FAM107B: variants seen among roughly 807,000 people sequenced by gnomAD.
The protein encoded by FAM107B is family with sequence similarity 107 member B, also known as protein FAM107B.
FAM107B carries 21 observed loss-of-function variants against 31.5 expected under a neutral mutation model. The observed-to-expected ratio is 0.67, with a 90% CI of 0.47 to 0.96. The LOEUF (loss-of-function observed/expected upper bound fraction) is 0.96. Ranked by LOEUF, FAM107B falls within the 40% of genes least tolerant of loss-of-function variation. The pLI, the probability that FAM107B is intolerant of heterozygous loss-of-function variation, is 0.00. For synonymous variants in FAM107B, 157 were observed against 141.5 expected (o/e 1.11, Z -0.78); for missense variants, 452 against 377.1 (o/e 1.20, Z -1.64).
intron 2 of FAM107B, among the ~76,000 whole-genome samples, chr10:14,629,416 A>ATAACATATATTATATATT (rs1564606793): frequency 4.1e-4 from 9 of 21,936 alleles, no homozygotes; most frequent in African/African-American, 9.2e-4. Context: ...TTTAATATAT[A>ATAACATATATTATATATT]TAATATATAT....
At chr10:14,668,117 C>T (rs1854453839) in intron 1 of FAM107B, among the ~76,000 whole-genome samples, 1 of 152,128 alleles carries the variant, frequency 6.6e-6, no homozygotes, top group Non-Finnish European at 1.5e-5. Context: ...TCTCGGCTTA[C>T]TGCAACCTCC....
intron 2 of FAM107B, among the ~76,000 whole-genome samples, chr10:14,581,620 G>C (rs1347680314): frequency 1.3e-5 from 2 of 152,348 alleles, no homozygotes; most frequent in Middle Eastern, 3.4e-3. Flanking sequence ...TCAATGCCCA[G>C]CCAGGCGCGG....
rs35540585 is a variant in FAM107B, at chr10:14,595,422, C to CTTTTT, written c.470-64912_470-64908dup. The stretch of plus-strand genomic sequence containing the variant: ...TGGCTCAGCTTCTTCCTAGGGCAAC[C>CTTTTT]TTTTTTTTTTTTTTTTTTTTTGAGA... On this transcript the variant is annotated intron_variant, in intron 2 of 4. Transcript: ENST00000181796. Among the ~76,000 whole-genome samples, 751 of 97,870 alleles carry CTTTTT rather than the reference C, an allele frequency of 7.7e-3. 17 individuals carry two copies. Among genetic ancestry groups the CTTTTT allele is most frequent in the Non-Finnish European group, 0.011 (559 of 51,008 alleles). 64.2% of individuals were successfully genotyped at this position (97,870 alleles called of 152,430 possible).
chr10:14,744,521 T>C (rs1359634498), intron 1 of FAM107B, among the ~76,000 whole-genome samples: 1 of 152,196 alleles, frequency 6.6e-6, no homozygotes, highest in African/African-American at 2.4e-5. Flanking sequence ...GTATGTCCCA[T>C]CAATACCTAG....
intron 1 of FAM107B, among the ~76,000 whole-genome samples, chr10:14,687,946 T>C (rs1855030440): frequency 6.6e-6 from 1 of 152,156 alleles, no homozygotes; most frequent in South Asian, 2.1e-4. Flanking sequence ...GGATGCAAAG[T>C]ATTGATCTTG....
chr10:14,604,356 G>C, intron 2 of FAM107B: 1 of 637,894 alleles, frequency 1.6e-6, no homozygotes, highest in Non-Finnish European at 1.9e-6. Flanking sequence ...GCGGCTCCGG[G>C]GGCGGCGGCC....
intron 2 of FAM107B, among the ~76,000 whole-genome samples, chr10:14,579,951 A>G (rs1189422055): frequency 2.0e-5 from 3 of 151,546 alleles, no homozygotes; most frequent in Non-Finnish European, 4.4e-5. Context: ...GAACCCAGGA[A>G]GCAGAAGTTG....
intron 3 of FAM107B, among the ~76,000 whole-genome samples, chr10:14,528,753 T>C (rs1846610678): frequency 1.3e-5 from 2 of 152,158 alleles, no homozygotes; most frequent in East Asian, 3.9e-4. Context: ...GGAAGCCCTT[T>C]CTCTAAAAAA....
intron 1 of FAM107B, among the ~76,000 whole-genome samples, chr10:14,690,192 G>A (rs1855098097): frequency 1.3e-5 from 2 of 152,178 alleles, no homozygotes; most frequent in South Asian, 4.1e-4. Flanking sequence ...TCAGTCGATG[G>A]AGATCACTAG....
chr10:14,520,356 A>G lies in FAM107B; in HGVS notation c.*834T>C, dbSNP rs1179894524. 6.6e-6 allele frequency: 1 copy of G among 152,196 alleles called. No individual in the cohort carries two copies. The highest frequency in any genetic ancestry group is 2.4e-5 in the African/African-American group (1 of 41,444). 9.4% of individuals were successfully genotyped at this position (152,196 alleles called of 1,614,324 possible). ...CTACTTTTGCTACTGAAGCTGGGTT[A>G]TATGGACTAGTTCCACTCTCTAAGG... On this transcript the variant is annotated 3_prime_UTR_variant, in exon 5 of 5. Coordinates refer to ENST00000181796, the MANE Select transcript of FAM107B (RefSeq NM_031453.4).
At chr10:14,690,063 A>G (rs1855095013) in intron 1 of FAM107B, among the ~76,000 whole-genome samples, 1 of 150,968 alleles carries the variant, frequency 6.6e-6, no homozygotes, top group African/African-American at 2.5e-5. Context: ...GACACCTGTC[A>G]TCTCAGATCC....
chr10:14,522,045 G>C (rs756670200), intron 3 of FAM107B, 26 bp from the exon 4 acceptor site: 28 of 1,590,974 alleles, frequency 1.8e-5, no homozygotes, highest in Non-Finnish European at 2.2e-5. Context: ...AACAAAAATA[G>C]AAAACGTTAA....
chr10:14,612,373 G>A (rs1398700356), intron 2 of FAM107B: 1 of 152,218 alleles, frequency 6.6e-6, no homozygotes, highest in Non-Finnish European at 1.5e-5. Context: ...CATGATGGAA[G>A]GACAGAGTCC....
At chr10:14,707,104 C>G (rs1012855605) in intron 1 of FAM107B, among the ~76,000 whole-genome samples, 1 of 151,384 alleles carries the variant, frequency 6.6e-6, no homozygotes. Flanking sequence ...CCAGCCTGGG[C>G]GACAGAGCAA....
chr10:14,619,753 C>G (rs1299908560), intron 2 of FAM107B, among the ~76,000 whole-genome samples: 1 of 141,934 alleles, frequency 7.0e-6, no homozygotes, highest in Non-Finnish European at 1.5e-5. Context: ...GCTAAGCACA[C>G]AATTACATTC....
intron 1 of FAM107B, among the ~76,000 whole-genome samples, chr10:14,722,750 CT>C (rs1416506814): frequency 6.6e-6 from 1 of 152,098 alleles, no homozygotes; most frequent in Non-Finnish European, 1.5e-5. Context: ...AATATTTTCT[CT>C]TATCCCATAG....
chr10:14,650,514 G>A lies in FAM107B; in HGVS notation c.469+17120C>T, dbSNP rs181400226. Among the ~76,000 whole-genome samples, 761 of 152,266 alleles carry A rather than the reference G, an allele frequency of 5.0e-3. 5 individuals are homozygous for A. Among genetic ancestry groups the A allele is most frequent in the African/African-American group, 0.017 (722 of 41,542 alleles). ...TTGGCCAGGCTGGTCTCGAACTCCC[G>A]ACCTGAGGTAATCCTCCCACCCTGG... is the stretch of plus-strand genomic sequence containing the variant. On this transcript the variant is annotated intron_variant, in intron 2 of 4. Transcript: ENST00000181796.
chr10:14,626,704 C>T (rs7078385), intron 2 of FAM107B, among the ~76,000 whole-genome samples: 3,022 of 152,010 alleles, frequency 0.02, 48 homozygotes, highest in South Asian at 0.036. Flanking sequence ...GGGGTTTCAC[C>T]GTGTTAGCCA....
Position 14,690,449 on chromosome 10 carries a change from T to C in FAM107B, c.412-22758A>G, listed in dbSNP as rs117552161. ...CATACTTTCACAACTAGCCCCTTTATTTTTTTATTTTTTTATTTTTTTGAG... is the reference window on the plus strand; with the variant it reads ...CATACTTTCACAACTAGCCCCTTTACTTTTTTATTTTTTTATTTTTTTGAG... On this transcript the variant is annotated intron_variant, in intron 1 of 4. Transcript: ENST00000181796. Among the ~76,000 whole-genome samples, 1,406 of 152,152 alleles carry C rather than the reference T, an allele frequency of 9.2e-3. 41 individuals are homozygous for C. Among genetic ancestry groups the C allele is most frequent in the East Asian group, 0.062 (321 of 5,166 alleles).
Sources: gnomAD v4.1 joint callset for allele counts (sites outside exome capture counted in the v4.1 genomes callset) on GRCh38, gnomAD v4.1.1 for gene constraint, MANE v1.5 for transcripts, NCBI Gene and HGNC (gene_info 2026-07-23, HGNC 2026-07-21) for gene names.